GLMN: variants seen among roughly 807,000 people sequenced by gnomAD.
The protein encoded by GLMN is glomulin.
In GLMN, 75 loss-of-function variants were observed where a neutral mutation model predicts 87.8. The ratio of observed to expected loss-of-function variants is 0.85; its 90% CI spans 0.71 to 1.04. The LOEUF (loss-of-function observed/expected upper bound fraction) is 1.04, where lower values mean the gene tolerates loss of function less well. Ranked by LOEUF, GLMN falls within the 50% of genes least tolerant of loss-of-function variation. GLMN has a pLI of 0.00. For synonymous variants in GLMN, 206 were observed against 221.6 expected, an observed-to-expected ratio of 0.93 and a Z score of 0.63; for missense variants, 588 against 658.8, an observed-to-expected ratio of 0.89 and a Z score of 1.18.
intron 7 of GLMN, among the ~76,000 whole-genome samples, chr1:92,285,687 TA>T (rs1648668423): frequency 6.6e-6 from 1 of 152,178 alleles, no homozygotes; most frequent in Non-Finnish European, 1.5e-5. Context: ...ACCCTGTTCT[TA>T]AAACCCCACC....
Position 92,268,117 on chromosome 1 carries a change from G to T in GLMN, c.996C>A (p.Ile332=). The change falls in exon 10 of 19, where the codon ATC becomes ATA. Residue 332 remains isoleucine, a synonymous_variant. Transcript: ENST00000370360. ...VFLQRTEESV[I]SKGLELLENS... ...ACAAACATCTTACCAATCCTTTGGA[G>T]ATAACAGACTCTTCTGTTCTGAAAA... 3 of 1,440,382 alleles carry T rather than the reference G, an allele frequency of 2.1e-6. No homozygotes were observed. Among genetic ancestry groups the T allele is most frequent in the Non-Finnish European group, 9.8e-7 (1 of 1,022,654 alleles). 89.2% of individuals were successfully genotyped at this position (1,440,382 alleles called of 1,614,324 possible).
upstream of GLMN, chr1:92,300,220 C>G: frequency 6.2e-7 from 1 of 1,609,876 alleles, no homozygotes; most frequent in Non-Finnish European, 8.5e-7. Flanking sequence ...TACTTTGAAA[C>G]AAGAAGATGC....
intron 16 of GLMN, among the ~76,000 whole-genome samples, chr1:92,257,496 A>G (rs1206903324): frequency 1.3e-5 from 2 of 152,224 alleles, no homozygotes; most frequent in Non-Finnish European, 2.9e-5. Flanking sequence ...ACTTCAAACT[A>G]TACTACAGGG....
rs183855483 is a variant in GLMN at position 92,279,287 on chromosome 1, C to T, written c.735+7203G>A. 4.6e-5 allele frequency among the ~76,000 whole-genome samples: 7 copies of T among 152,080 alleles called. No individual in the cohort carries two copies. In the East Asian group the frequency reaches 1.4e-3, roughly 29 times the overall value. The stretch of plus-strand genomic sequence containing the variant: ...CTTGGCCAACATGGCGAAACCCCAA[C>T]TCTACTAAAAATACAAAAAATTAGC... On this transcript the variant is annotated intron_variant, in intron 7 of 18. Transcript: ENST00000370360.
chr1:92,289,350 C>T (rs1004705002), intron 5 of GLMN, among the ~76,000 whole-genome samples, 199 bp from the exon 6 acceptor site: 1 of 152,116 alleles, frequency 6.6e-6, no homozygotes, highest in African/African-American at 2.4e-5. Flanking sequence ...CCATGAAATG[C>T]TGTTTAGGTT....
At chr1:92,264,057 T>TGTA (rs1244703522) in intron 14 of GLMN, among the ~76,000 whole-genome samples, 1 of 152,198 alleles carries the variant, frequency 6.6e-6, no homozygotes, top group Non-Finnish European at 1.5e-5. Flanking sequence ...GACTCACACC[T>TGTA]GTAATCCCAG....
At chr1:92,312,714 G>A in the GLMN span, among the ~76,000 whole-genome samples, 1 of 151,960 alleles carries the variant, frequency 6.6e-6, no homozygotes, top group African/African-American at 2.4e-5. Context: ...CGGAAGTCTT[G>A]AACCCCTCAA....
chr1:92,332,753 T>C, the GLMN span, among the ~76,000 whole-genome samples: 1 of 152,118 alleles, frequency 6.6e-6, no homozygotes, highest in African/African-American at 2.4e-5. Flanking sequence ...ACCCCTGCCT[T>C]CTTGAAGGAT....
chr1:92,289,128 CCTTGTT>C lies in GLMN; in HGVS notation c.412_417del (p.Asn138_Lys139del). On this transcript the variant is annotated inframe_deletion, in exon 6 of 19. Transcript: ENST00000370360. ...GACAATGCTAATCCAATTGAATATG[CCTTGTT>C]ATGAAGTTTCTGAATCACTAAAACA... The C allele has an allele frequency of 6.2e-7, 1 of 1,600,934 alleles. No individual in the cohort carries two copies. The highest frequency in any genetic ancestry group is 8.6e-7 in the Non-Finnish European group (1 of 1,168,158).
chr1:92,304,407 C>G, the GLMN span: 1 of 890,194 alleles, frequency 1.1e-6, no homozygotes, highest in Non-Finnish European at 1.7e-6. Context: ...AACCACTATC[C>G]TAACAAGGCA....
intron 6 of GLMN, 129 bp from the exon 7 acceptor site, chr1:92,286,721 T>C: frequency 1.5e-6 from 1 of 672,764 alleles, no homozygotes; most frequent in South Asian, 1.6e-5. Flanking sequence ...GACTCTGCTC[T>C]CCAAAACTCA....
the GLMN span, among the ~76,000 whole-genome samples, chr1:92,321,804 C>A: frequency 6.6e-6 from 1 of 151,924 alleles, no homozygotes; most frequent in Non-Finnish European, 1.5e-5. Context: ...GATTTTCATT[C>A]TGTAGAATTT....
Position 92,291,470 on chromosome 1 carries a change from T to C in GLMN, c.233A>G (p.Lys78Arg). 1 of 1,604,074 alleles carries C rather than the reference T, an allele frequency of 6.2e-7. No individual in the cohort carries two copies. Among genetic ancestry groups the C allele is most frequent in the Non-Finnish European group, 8.5e-7 (1 of 1,170,850 alleles). The part of the protein sequence containing the change: ...PVVRCLLCKD[K>R]EDSKRKVYFL... ...ATAAACTTTTCTTTTACTATCCTCT[T>C]TATCTTTACACAAAAGGCATCGAAC... is the stretch of plus-strand genomic sequence containing the variant. Residue 78 changes from lysine to arginine, a missense_variant, in exon 4 of 19, where the codon AAA (lysine) becomes AGA (arginine). Coordinates refer to ENST00000370360, the MANE Select transcript of GLMN (RefSeq NM_053274.3).
intron 16 of GLMN, chr1:92,248,203 T>C: frequency 2.2e-6 from 1 of 446,876 alleles, no homozygotes; most frequent in African/African-American, 2.0e-5. Context: ...ACTGCACCAT[T>C]TGGATAGCTC....
chr1:92,252,114 A>AATT (rs1431707605), intron 16 of GLMN, among the ~76,000 whole-genome samples: 1 of 152,216 alleles, frequency 6.6e-6, no homozygotes, highest in East Asian at 1.9e-4. Flanking sequence ...ACAAATATAC[A>AATT]ATTAAGCTTC....
chr1:92,278,359 C>T (rs555362330), intron 7 of GLMN, among the ~76,000 whole-genome samples: 27 of 152,220 alleles, frequency 1.8e-4, no homozygotes, highest in African/African-American at 6.5e-4. Context: ...AACCCGTCAC[C>T]TCTCCTACTT....
the GLMN span, among the ~76,000 whole-genome samples, chr1:92,316,425 TATAAC>T: frequency 4.6e-5 from 7 of 152,232 alleles, no homozygotes; most frequent in South Asian, 2.1e-4. Context: ...TTGGTTTACA[TATAAC>T]ATACATATTC....
At chr1:92,258,924 A>C (rs1439512610) in intron 16 of GLMN, among the ~76,000 whole-genome samples, 1 of 152,134 alleles carries the variant, frequency 6.6e-6, no homozygotes, top group Non-Finnish European at 1.5e-5. Flanking sequence ...TTAAATGAGC[A>C]CCCAAAATAT....
At chr1:92,334,840 T>C in the GLMN span, among the ~76,000 whole-genome samples, 1 of 151,510 alleles carries the variant, frequency 6.6e-6, no homozygotes, top group South Asian at 2.1e-4. Context: ...CAAAAAAAAT[T>C]AGCCGGGCGT....
Sources: allele counts gnomAD v4.1 joint callset (sites outside exome capture counted in the v4.1 genomes callset), GRCh38; gene constraint gnomAD v4.1.1; transcripts MANE v1.5; gene names NCBI Gene and HGNC (gene_info 2026-07-23, HGNC 2026-07-21).